The following FAM171A1 variants were observed in gnomAD, a reference collection of about 807,000 sequenced individuals.
The protein encoded by FAM171A1 is family with sequence similarity 171 member A1, also known as protein FAM171A1.
FAM171A1 carries 23 observed loss-of-function variants against 74.9 expected under a neutral mutation model. That is an observed-to-expected ratio of 0.31 (90% CI 0.22 to 0.44). The LOEUF (loss-of-function observed/expected upper bound fraction) is 0.44, where lower values mean the gene tolerates loss of function less well. FAM171A1 is among the 20% of genes least tolerant of loss of function. The pLI, the probability that FAM171A1 is intolerant of heterozygous loss-of-function variation, is 1.00. For synonymous variants in FAM171A1, 527 were observed against 505.7 expected, an observed-to-expected ratio of 1.04 and a Z score of -0.57; for missense variants, 1,162 against 1,159.2, an observed-to-expected ratio of 1.00 and a Z score of -0.03.
intron 1 of FAM171A1, among the ~76,000 whole-genome samples, chr10:15,358,256 G>A (rs914692934): frequency 1.3e-5 from 2 of 152,138 alleles, no homozygotes; most frequent in Non-Finnish European, 2.9e-5. Flanking sequence ...GATTACAGCT[G>A]TGAGCCACTG....
intron 5 of FAM171A1, among the ~76,000 whole-genome samples, chr10:15,229,399 ACACT>A (rs1171290195): frequency 6.6e-6 from 1 of 152,014 alleles, no homozygotes; most frequent in Non-Finnish European, 1.5e-5. Flanking sequence ...TCCATGGCAA[ACACT>A]CATCATCATC....
intron 1 of FAM171A1, among the ~76,000 whole-genome samples, chr10:15,297,792 G>A (rs976257561): frequency 3.3e-5 from 5 of 152,146 alleles, no homozygotes; most frequent in African/African-American, 1.2e-4. Context: ...ACCCTAATAA[G>A]TTAAACAGCA....
chr10:15,269,323 T>C (rs948814621), intron 3 of FAM171A1, among the ~76,000 whole-genome samples: 9 of 151,882 alleles, frequency 5.9e-5, no homozygotes, highest in African/African-American at 2.2e-4. Context: ...CTTGCTTAAC[T>C]GCCCTGGCTG....
chr10:15,248,920 C>A (rs1834471663), intron 4 of FAM171A1, 105 bp from the exon 5 acceptor site: 5 of 1,051,240 alleles, frequency 4.8e-6, no homozygotes, highest in Admixed American at 2.7e-5. Context: ...CTCCTATATG[C>A]CAGGGACTGC....
At chr10:15,287,419 C>T (rs1250849935) in intron 1 of FAM171A1, among the ~76,000 whole-genome samples, 47 of 137,492 alleles carry the variant, frequency 3.4e-4, no homozygotes, top group Admixed American at 2.5e-3. Flanking sequence ...GACAGAGTTT[C>T]GCTCTGTCCC....
rs572081177 is a variant in FAM171A1, at chr10:15,258,659, C to T, written c.419-3780G>A. On this transcript the variant is annotated intron_variant, in intron 3 of 7. Coordinates refer to ENST00000378116, the MANE Select transcript of FAM171A1 (RefSeq NM_001010924.2). ...CCTTGGAGACGTCGACTGTGTGATC[C>T]GCAAACCCCATGACCACAGCTCAGC... 4.6e-5 allele frequency among the ~76,000 whole-genome samples: 7 copies of T among 152,252 alleles called. No individual in the cohort carries two copies. The South Asian group carries it at 6.2e-4, about 14-fold the overall frequency.
Position 15,344,027 on chromosome 10 carries a change from G to A in FAM171A1, c.97+26929C>T, listed in dbSNP as rs141229195. Among the ~76,000 whole-genome samples the A allele has an allele frequency of 3.9e-3, 587 of 152,304 alleles. 1 individual carries two copies. The highest frequency in any genetic ancestry group is 0.013 in the African/African-American group (560 of 41,560). On this transcript the variant is annotated intron_variant, in intron 1 of 7. Transcript: ENST00000378116. The stretch of plus-strand genomic sequence containing the variant: ...ATAACAGGCAAGAAACCTCAGGGAT[G>A]GAAGACTGGGTTGTCATTTGTGATC...
At chr10:15,365,337 G>A (rs527488769) in intron 1 of FAM171A1, among the ~76,000 whole-genome samples, 5 of 152,326 alleles carry the variant, frequency 3.3e-5, no homozygotes, top group Middle Eastern at 3.4e-3. Flanking sequence ...GTGCTGAAAC[G>A]GAGATGTCTA....
intron 4 of FAM171A1, among the ~76,000 whole-genome samples, chr10:15,252,545 C>A (rs1010109084): frequency 6.6e-6 from 1 of 152,164 alleles, no homozygotes; most frequent in African/African-American, 2.4e-5. Context: ...TGTGTGCAAA[C>A]TGACCCCAGG....
intron 1 of FAM171A1, among the ~76,000 whole-genome samples, chr10:15,325,533 T>C (rs1835544940): frequency 6.6e-6 from 1 of 152,074 alleles, no homozygotes; most frequent in Non-Finnish European, 1.5e-5. Flanking sequence ...AAAAACTCCA[T>C]CTTTTCTTTG....
intron 1 of FAM171A1, among the ~76,000 whole-genome samples, chr10:15,343,765 C>A (rs1310066375): frequency 6.6e-6 from 1 of 152,102 alleles, no homozygotes; most frequent in African/African-American, 2.4e-5. Context: ...GGGCTGGGAA[C>A]TGAACCTGGG....
intron 1 of FAM171A1, among the ~76,000 whole-genome samples, chr10:15,303,013 AC>A (rs1469666823): frequency 6.6e-6 from 1 of 152,014 alleles, no homozygotes; most frequent in Non-Finnish European, 1.5e-5. Flanking sequence ...ATATGGTGAA[AC>A]CCCGTCTCTA....
chr10:15,245,010 T>C lies in FAM171A1; in HGVS notation c.754+3629A>G, dbSNP rs1346054352. 3.3e-5 allele frequency among the ~76,000 whole-genome samples: 5 copies of C among 152,282 alleles called. No individual in the cohort carries two copies. The East Asian group carries it at 7.7e-4, about 23-fold the overall frequency. The stretch of plus-strand genomic sequence containing the variant: ...ATGTCCAGATGTGACTGGGGAGGTA[T>C]TTTGTTTAGAAGAGATAAACTGTTC... On this transcript the variant is annotated intron_variant, in intron 5 of 7. Transcript: ENST00000378116.
chr10:15,304,465 C>T (rs1431678447), intron 1 of FAM171A1, among the ~76,000 whole-genome samples: 1 of 152,160 alleles, frequency 6.6e-6, no homozygotes, highest in Non-Finnish European at 1.5e-5. Context: ...GGCCAGGTAC[C>T]AGTCAACTGG....
chr10:15,261,423 C>G (rs528215303), intron 3 of FAM171A1, among the ~76,000 whole-genome samples: 2 of 152,336 alleles, frequency 1.3e-5, no homozygotes, highest in East Asian at 3.8e-4. Flanking sequence ...TTCATCACCT[C>G]TTGATGAGTT....
At chr10:15,342,152 T>C (rs1041106168) in intron 1 of FAM171A1, among the ~76,000 whole-genome samples, 3 of 152,202 alleles carry the variant, frequency 2.0e-5, no homozygotes, top group Non-Finnish European at 2.9e-5. Context: ...GGGCAAGCCA[T>C]CCTGAGAGTC....
At chr10:15,293,556 A>T (rs199639639) in intron 1 of FAM171A1, among the ~76,000 whole-genome samples, 6,363 of 64,204 alleles carry the variant, frequency 0.099, 377 homozygotes, top group African/African-American at 0.25. Context: ...GTAAAAAAAA[A>T]ATATATATAT....
intron 1 of FAM171A1, among the ~76,000 whole-genome samples, chr10:15,312,673 G>GTTTGTTTTTTTTTTTTTTTTTTTTTTT (rs1564274246): frequency 2.7e-5 from 1 of 36,382 alleles, no homozygotes; most frequent in African/African-American, 1.2e-4. Flanking sequence ...AGCACTGTGT[G>GTTTGTTTTTTTTTTTTTTTTTTTTTTT]TTTTTTTTTT....
chr10:15,269,271 A>G (rs1834790511), intron 3 of FAM171A1, among the ~76,000 whole-genome samples: 1 of 151,620 alleles, frequency 6.6e-6, no homozygotes, highest in African/African-American at 2.4e-5. Context: ...GCAGTAGCAT[A>G]CACAGATTTT....
Sources: allele counts gnomAD v4.1 joint callset (sites outside exome capture counted in the v4.1 genomes callset), GRCh38; gene constraint gnomAD v4.1.1; transcripts MANE v1.5; gene names NCBI Gene and HGNC (gene_info 2026-07-23, HGNC 2026-07-21).